The following DET1 variants were observed in gnomAD, a reference collection of about 807,000 sequenced individuals.
The protein encoded by DET1 is DET1 homolog.
A neutral mutation model predicts 43.7 loss-of-function variants in DET1; 22 were observed. The ratio of observed to expected loss-of-function variants is 0.50; its 90% CI spans 0.36 to 0.72. The LOEUF is 0.72. Among genes scored for constraint, DET1 ranks in the 30% least tolerant of loss-of-function variants. The probability of loss-of-function intolerance (pLI) is 0.00; values close to 1 mark genes in which losing one functional copy is unlikely to be tolerated. For synonymous variants in DET1, 315 were observed against 266.2 expected (o/e 1.18, Z -1.79); for missense variants, 713 against 713.3 (o/e 1.00, Z 0.00).
chr15:88,546,654 G>C lies in DET1; in HGVS notation c.-125C>G, dbSNP rs1014789494. 2 of 149,362 alleles carry C rather than the reference G, an allele frequency of 1.3e-5. No individual in the cohort carries two copies. Among genetic ancestry groups the C allele is most frequent in the Non-Finnish European group, 3.0e-5 (2 of 67,444 alleles). 9.3% of individuals were successfully genotyped at this position (149,362 alleles called of 1,614,324 possible). On this transcript the variant is annotated 5_prime_UTR_variant, in exon 1 of 5. Transcript: ENST00000268148. Reference sequence around the variant, plus strand: ...AGGACTCCTGCACCCGCGGCTGCACGTTCCCGTTTCCGCCAGCCACCGGAA... The same window carrying C: ...AGGACTCCTGCACCCGCGGCTGCACCTTCCCGTTTCCGCCAGCCACCGGAA...
At chr15:88,535,079 CAA>C (rs1487322699) in intron 1 of DET1, among the ~76,000 whole-genome samples, 2 of 152,122 alleles carry the variant, frequency 1.3e-5, no homozygotes, top group Non-Finnish European at 2.9e-5. Context: ...GATGGAAAAA[CAA>C]AGTCTCAGCT....
downstream of DET1, chr15:88,512,258 C>T (rs1007169500): frequency 2.7e-6 from 2 of 728,128 alleles, no homozygotes; most frequent in Non-Finnish European, 3.4e-6. Context: ...TGTGCAATTA[C>T]ACCCAGTTCC....
In DET1 at chr15:88,531,326, A is replaced by C. The variant is rs2056808681; in HGVS notation, c.380T>G (p.Leu127Arg). Reference sequence around the variant, plus strand: ...GGCCGCAACATTGGTAATGTGCAGCAGGACAAAAAAGCGTTCAAAGAGCCG... The same window carrying C: ...GGCCGCAACATTGGTAATGTGCAGCCGGACAAAAAAGCGTTCAAAGAGCCG... Reference protein sequence around the residue: ...RGRLFERFFVLLHITNVAANG... With the variant: ...RGRLFERFFVRLHITNVAANG... The change falls in exon 2 of 5, where the codon CTG (leucine) becomes CGG (arginine). Residue 127 changes from leucine (L) to arginine (R), a missense_variant. By Grantham distance (102) the Leu-to-Arg change is moderately radical. Coordinates refer to ENST00000268148, the MANE Select transcript of DET1 (RefSeq NM_001144074.3). The surrounding 1 kb of genome is among the most constrained non-coding windows in gnomAD (Gnocchi z 6.2). 1.2e-6 allele frequency: 2 copies of C among 1,614,024 alleles called. No homozygotes were observed. The highest frequency in any genetic ancestry group is 1.7e-6 in the Non-Finnish European group (2 of 1,179,892).
intron 1 of DET1, among the ~76,000 whole-genome samples, chr15:88,539,301 G>A (rs1416763334): frequency 6.6e-6 from 1 of 151,942 alleles, no homozygotes; most frequent in East Asian, 1.9e-4. Flanking sequence ...ACCTCACAAG[G>A]CTTAAGGCAG....
chr15:88,520,470 G>A (rs1447810639), intron 3 of DET1, among the ~76,000 whole-genome samples: 1 of 152,150 alleles, frequency 6.6e-6, no homozygotes, highest in Non-Finnish European at 1.5e-5. Flanking sequence ...CTCGTCAGGT[G>A]GCTGTGACAC....
intron 4 of DET1, among the ~76,000 whole-genome samples, chr15:88,513,745 G>C (rs1052672161): frequency 2.7e-5 from 4 of 147,034 alleles, no homozygotes; most frequent in African/African-American, 1.0e-4. Flanking sequence ...ATATTGGACA[G>C]TGTGGATCTA....
chr15:88,527,282 T>C lies in DET1; in HGVS notation c.1271+317A>G, dbSNP rs567947665. On this transcript the variant is annotated intron_variant, in intron 3 of 4. Coordinates refer to ENST00000268148, the MANE Select transcript of DET1 (RefSeq NM_001144074.3). ...AACATATCATGTTTAACCAAAAGTTTCTAAAATGATTTTCTTATTCATTCA... is the reference window on the plus strand; with the variant it reads ...AACATATCATGTTTAACCAAAAGTTCCTAAAATGATTTTCTTATTCATTCA... 6.4e-4 allele frequency among the ~76,000 whole-genome samples: 97 copies of C among 152,334 alleles called. 1 individual carries two copies. Among genetic ancestry groups the C allele is most frequent in the African/African-American group, 2.2e-3 (91 of 41,584 alleles).
chr15:88,526,045 A>C (rs2056654328), intron 3 of DET1, among the ~76,000 whole-genome samples: 1 of 152,184 alleles, frequency 6.6e-6, no homozygotes, highest in Non-Finnish European at 1.5e-5. Flanking sequence ...AAATGAAAAA[A>C]AGCAAAATCT....
chr15:88,531,153 G>A lies in DET1; in HGVS notation c.553C>T (p.Arg185Trp), dbSNP rs951052559. Residue 185 changes from arginine (R) to tryptophan (W), a missense_variant, in exon 2 of 5, where the codon CGG becomes TGG. Transcript: ENST00000268148. This position sits in a 1 kb window ranked among gnomAD's most constrained non-coding sequence, Gnocchi z 6.2. ...RNSESVTPNP[R>W]SPLEDYSLHI... ...AGGGAATAGTCTTCTAGAGGGGACC[G>A]TGGGTTGGGGGTCACTGATTCACTG... The A allele has an allele frequency of 7.4e-6, 12 of 1,613,830 alleles. No individual in the cohort carries two copies. The highest frequency in any genetic ancestry group is 2.7e-5 in the African/African-American group (2 of 74,904).
At chr15:88,533,852 T>TG (rs760403164) in intron 1 of DET1, among the ~76,000 whole-genome samples, 1 of 39,188 alleles carries the variant, frequency 2.6e-5, no homozygotes, top group Non-Finnish European at 5.4e-5. Context: ...ACCCAATCTC[T>TG]AAAAAAAAAA....
At chr15:88,523,623 C>T (rs7402787) in intron 3 of DET1, among the ~76,000 whole-genome samples, 106,578 of 151,772 alleles carry the variant, frequency 0.7, 37,799 homozygotes, top group South Asian at 0.82. Context: ...TATTTTTTGG[C>T]AGAGACGGGG....
At position 88,539,678 on chromosome 15, in the gene DET1, G is replaced by A. The variant is rs371078806; in HGVS notation, c.-11+6862C>T. Among the ~76,000 whole-genome samples, 21 of 152,182 alleles carry A rather than the reference G, an allele frequency of 1.4e-4. No individual in the cohort carries two copies. The South Asian group carries it at 3.1e-3, about 23-fold the overall frequency. ...GTCACAAGAGGTTAAATTTCTCATC[G>A]GTTGTTCAGGCTGGCCACCACAGTC... On this transcript the variant is annotated intron_variant, in intron 1 of 4. Coordinates refer to ENST00000268148, the MANE Select transcript of DET1 (RefSeq NM_001144074.3).
At chr15:88,528,236 T>G (rs953009387) in intron 2 of DET1, among the ~76,000 whole-genome samples, 2 of 152,264 alleles carry the variant, frequency 1.3e-5, no homozygotes, top group African/African-American at 4.8e-5. Flanking sequence ...AAAAGTGATT[T>G]GCAGCCTGGA....
At position 88,516,876 on chromosome 15, in the gene DET1, C is replaced by A; in HGVS notation, c.1369G>T (p.Gly457Cys). 6.2e-7 allele frequency: 1 copy of A among 1,611,214 alleles called. No individual in the cohort carries two copies. The highest frequency in any genetic ancestry group is 2.2e-5 in the East Asian group (1 of 44,764). The change falls in exon 4 of 5, where the codon GGT becomes TGT. Residue 457 changes from glycine to cysteine, a missense_variant. Physicochemically the swap from Gly to Cys is radical, Grantham distance 159 (BLOSUM62 -3). Coordinates refer to ENST00000268148, the MANE Select transcript of DET1 (RefSeq NM_001144074.3). This position sits in a 1 kb window ranked among gnomAD's most constrained non-coding sequence, Gnocchi z 4.4. ...QLPISAQSYS[G>C]SPYLDLSLFS... ...AGAGACAAATCCAGATAGGGGCTACCGCTGTAAGACTGAGCACTGATGGGG... is the reference window on the plus strand; with the variant it reads ...AGAGACAAATCCAGATAGGGGCTACAGCTGTAAGACTGAGCACTGATGGGG...
intron 1 of DET1, among the ~76,000 whole-genome samples, chr15:88,545,179 A>G (rs377429456): frequency 2.0e-5 from 3 of 152,328 alleles, no homozygotes; most frequent in South Asian, 4.1e-4. Context: ...ACTAAAAAAA[A>G]AATTGTAATC....
At chr15:88,519,479 C>T (rs905144347) in intron 3 of DET1, among the ~76,000 whole-genome samples, 1 of 152,122 alleles carries the variant, frequency 6.6e-6, no homozygotes, top group South Asian at 2.1e-4. Flanking sequence ...TAGACCGTCA[C>T]GCTCTCCAAC....
At chr15:88,511,348 C>A, downstream of DET1, 1 of 948,114 alleles carries the variant, frequency 1.1e-6, no homozygotes, top group South Asian at 4.9e-5. Context: ...CCTCTCTTCC[C>A]AATATCCCCT....
chr15:88,524,904 T>C (rs1234485919), intron 3 of DET1, among the ~76,000 whole-genome samples: 1 of 152,162 alleles, frequency 6.6e-6, no homozygotes, highest in African/African-American at 2.4e-5. Context: ...CCTATGACCC[T>C]GCCAAATCCC....
intron 1 of DET1, among the ~76,000 whole-genome samples, chr15:88,539,324 C>G (rs1355477596): frequency 1.3e-5 from 2 of 151,902 alleles, no homozygotes; most frequent in Admixed American, 6.6e-5. Flanking sequence ...TCGGACATAG[C>G]TCGATCCAAG....
Sources: gnomAD v4.1 joint callset for allele counts (sites outside exome capture counted in the v4.1 genomes callset) on GRCh38, gnomAD v4.1.1 for gene constraint, Gnocchi (gnomAD v3.1) non-coding constraint, MANE v1.5 for transcripts, NCBI Gene and HGNC (gene_info 2026-07-23, HGNC 2026-07-21) for gene names.